Variants in MIPOL1 observed in about 807,000 individuals in gnomAD.
MIPOL1 encodes mirror-image polydactyly gene 1 protein.
MIPOL1 carries 57 observed loss-of-function variants against 60.9 expected under a neutral mutation model. That is an observed-to-expected ratio of 0.94 (90% CI 0.76 to 1.17). MIPOL1 has a LOEUF of 1.17. Among genes scored for constraint, MIPOL1 ranks in the 50% most tolerant of loss-of-function variants. MIPOL1 has a pLI of 0.00. For missense variants in MIPOL1, 551 were observed against 511.6 expected, an observed-to-expected ratio of 1.08 and a Z score of -0.74; for synonymous variants, 179 against 168.8, an observed-to-expected ratio of 1.06 and a Z score of -0.47.
chr14:37,243,989 A>T lies in MIPOL1; in HGVS notation c.-198-3114A>T, dbSNP rs546794895. Among the ~76,000 whole-genome samples the T allele has an allele frequency of 7.2e-5, 11 of 151,800 alleles. No homozygotes were observed. The East Asian group carries it at 1.9e-3, about 27-fold the overall frequency. ...CAACCTTCTTTTTTTTGGTGAGTGC[A>T]TGTAGGAAACTTTATCAGATATATT... On this transcript the variant is annotated intron_variant, in intron 1 of 12. Coordinates refer to ENST00000684589, the MANE Select transcript of MIPOL1 (RefSeq NM_001388067.1).
chr14:37,217,026 T>C (rs911625795), intron 1 of MIPOL1, among the ~76,000 whole-genome samples: 1 of 151,998 alleles, frequency 6.6e-6, no homozygotes, highest in African/African-American at 2.4e-5. Context: ...AAAACTTTAG[T>C]CAGACTAAGA....
chr14:37,201,706 G>A (rs1246378163), intron 1 of MIPOL1, among the ~76,000 whole-genome samples: 3 of 152,100 alleles, frequency 2.0e-5, no homozygotes, highest in African/African-American at 7.2e-5. Flanking sequence ...TCTTTGGGCT[G>A]CCCAGTTCAT....
intron 11 of MIPOL1, among the ~76,000 whole-genome samples, chr14:37,440,458 A>G (rs1272631741): frequency 1.3e-5 from 2 of 151,886 alleles, no homozygotes; most frequent in African/African-American, 4.8e-5. Context: ...TCTATTGTCT[A>G]TCATTCCACT....
intron 9 of MIPOL1, among the ~76,000 whole-genome samples, chr14:37,329,318 G>C (rs1158101719): frequency 6.6e-6 from 1 of 151,878 alleles, no homozygotes; most frequent in Non-Finnish European, 1.5e-5. Flanking sequence ...GGTCTCTAAA[G>C]CTTTTGCTAC....
At chr14:37,551,999 C>G (rs2095562586), downstream of MIPOL1, 1 of 151,758 alleles carries the variant, frequency 6.6e-6, no homozygotes, top group South Asian at 2.1e-4. Flanking sequence ...TAGCTGAAAT[C>G]TAAAAACACT....
At chr14:37,383,945 G>A (rs2092996414) in intron 10 of MIPOL1, among the ~76,000 whole-genome samples, 2 of 151,768 alleles carry the variant, frequency 1.3e-5, no homozygotes, top group Non-Finnish European at 2.9e-5. Flanking sequence ...GCTCATCATG[G>A]CAGAGGAAGA....
At chr14:37,287,794 T>G (rs539815425) in intron 7 of MIPOL1, among the ~76,000 whole-genome samples, 1 of 152,242 alleles carries the variant, frequency 6.6e-6, no homozygotes, top group African/African-American at 2.4e-5. Flanking sequence ...AATCTATATT[T>G]ATTTTTTAAA....
intron 10 of MIPOL1, among the ~76,000 whole-genome samples, chr14:37,388,610 A>G (rs1324604406): frequency 6.6e-6 from 1 of 151,328 alleles, no homozygotes; most frequent in East Asian, 1.9e-4. Context: ...GAGCATTTCT[A>G]TCATCCCACC....
intron 7 of MIPOL1, among the ~76,000 whole-genome samples, chr14:37,288,658 A>G (rs1419627771): frequency 6.6e-6 from 1 of 152,114 alleles, no homozygotes; most frequent in Non-Finnish European, 1.5e-5. Context: ...ATTATTTAAA[A>G]GATGTAGCCT....
chr14:37,287,978 G>A (rs972513959), intron 7 of MIPOL1, among the ~76,000 whole-genome samples: 3 of 152,012 alleles, frequency 2.0e-5, no homozygotes, highest in Non-Finnish European at 4.4e-5. Context: ...TGACTCTCAG[G>A]TATGAATTGA....
At chr14:37,354,949 T>G (rs1249310227) in intron 9 of MIPOL1, among the ~76,000 whole-genome samples, 7 of 49,440 alleles carry the variant, frequency 1.4e-4, no homozygotes, top group African/African-American at 4.8e-4. Flanking sequence ...ATCCTGTCAT[T>G]ATGATGTTAG....
At chr14:37,404,826 T>TA (rs2153533323) in intron 10 of MIPOL1, among the ~76,000 whole-genome samples, 1 of 152,282 alleles carries the variant, frequency 6.6e-6, no homozygotes, top group South Asian at 2.1e-4. Context: ...ACCCAGCTGT[T>TA]GACTAATAAG....
At chr14:37,291,286 T>C (rs746938729) in intron 7 of MIPOL1, among the ~76,000 whole-genome samples, 7 of 152,162 alleles carry the variant, frequency 4.6e-5, no homozygotes, top group Non-Finnish European at 1.0e-4. Context: ...GATATACTTA[T>C]ATGGGACATT....
At chr14:37,350,991 C>T (rs1178879425) in intron 9 of MIPOL1, among the ~76,000 whole-genome samples, 1 of 150,964 alleles carries the variant, frequency 6.6e-6, no homozygotes, top group Non-Finnish European at 1.5e-5. Context: ...ATGTGCCATG[C>T]TGGTGCACTG....
At chr14:37,283,079 GTTT>G (rs2084260677) in intron 6 of MIPOL1, among the ~76,000 whole-genome samples, 1 of 132,252 alleles carries the variant, frequency 7.6e-6, no homozygotes, top group Non-Finnish European at 1.7e-5. Flanking sequence ...TTGTTTGTTT[GTTT>G]GTTTTGAGAG....
chr14:37,230,076 C>T (rs145005158), intron 1 of MIPOL1, among the ~76,000 whole-genome samples: 7 of 152,122 alleles, frequency 4.6e-5, no homozygotes, highest in African/African-American at 9.6e-5. Flanking sequence ...TGTGTTTTCA[C>T]CACAAAAAAG....
At position 37,236,877 on chromosome 14, in the gene MIPOL1, T is replaced by G. The variant is rs371318032; in HGVS notation, c.-198-10226T>G. Among the ~76,000 whole-genome samples the G allele has an allele frequency of 6.2e-4, 94 of 152,308 alleles. 2 individuals are homozygous for G. The South Asian group carries it at 0.018, about 30-fold the overall frequency. On this transcript the variant is annotated intron_variant, in intron 1 of 12. Coordinates refer to ENST00000684589, the MANE Select transcript of MIPOL1 (RefSeq NM_001388067.1). ...TCAGTCTTTGCAAATTGCTTTGTGCTGGGACACTCCTTTAGCCCTTAGTTA... is the reference window on the plus strand; with the variant it reads ...TCAGTCTTTGCAAATTGCTTTGTGCGGGGACACTCCTTTAGCCCTTAGTTA...
intron 1 of MIPOL1, chr14:37,219,666 C>T (rs1968404337): frequency 6.6e-6 from 1 of 152,230 alleles, no homozygotes. Context: ...CTGCATCTGA[C>T]TATGGCAAGG....
At chr14:37,471,060 T>C (rs900076025) in intron 11 of MIPOL1, among the ~76,000 whole-genome samples, 6 of 152,228 alleles carry the variant, frequency 3.9e-5, no homozygotes, top group African/African-American at 1.4e-4. Flanking sequence ...TGTATCCATG[T>C]AGCAAAACTG....
Sources: gnomAD v4.1 joint callset for allele counts (sites outside exome capture counted in the v4.1 genomes callset) on GRCh38, gnomAD v4.1.1 for gene constraint, MANE v1.5 for transcripts, NCBI Gene and HGNC (gene_info 2026-07-23, HGNC 2026-07-21) for gene names.